The following RBFOX1 variants were observed in gnomAD, a reference collection of about 807,000 sequenced individuals.
RBFOX1 encodes RNA binding fox-1 homolog 1, also known as RNA binding protein fox-1 homolog 1.
A neutral mutation model predicts 57.7 loss-of-function variants in RBFOX1; 8 were observed. That is an observed-to-expected ratio of 0.14 (90% CI 0.08 to 0.25). The LOEUF is 0.25. RBFOX1 is among the 10% of genes least tolerant of loss of function. The pLI is 1.00. For missense variants in RBFOX1, 611 were observed against 548.5 expected (o/e 1.11, Z -1.14); for synonymous variants, 326 against 222.4 (o/e 1.47, Z -4.15).
intron 3 of RBFOX1, among the ~76,000 whole-genome samples, chr16:6,817,984 C>T (rs561404440): frequency 2.0e-5 from 3 of 152,248 alleles, no homozygotes; most frequent in Admixed American, 2.0e-4. Flanking sequence ...CGCAGGCCTG[C>T]CATCCTCAAG....
chr16:5,257,794 T>C (rs1368736083), intron 1 of RBFOX1, among the ~76,000 whole-genome samples: 2 of 152,140 alleles, frequency 1.3e-5, no homozygotes, highest in Non-Finnish European at 2.9e-5. Context: ...CTCGACTTCC[T>C]CTACTCTGCA....
At chr16:7,236,230 C>T (rs1274652588) in intron 4 of RBFOX1, among the ~76,000 whole-genome samples, 2 of 152,086 alleles carry the variant, frequency 1.3e-5, no homozygotes, top group East Asian at 1.9e-4. Context: ...ATATTTAGAT[C>T]TGTAAAGGGA....
intron 4 of RBFOX1, among the ~76,000 whole-genome samples, chr16:7,318,728 T>A (rs2096490264): frequency 1.3e-5 from 2 of 152,220 alleles, no homozygotes; most frequent in African/African-American, 4.8e-5. Context: ...TTCTTGATTT[T>A]GCTTTTTATA....
chr16:5,772,438 A>G (rs576795617), intron 3 of RBFOX1, among the ~76,000 whole-genome samples: 3 of 152,290 alleles, frequency 2.0e-5, no homozygotes, highest in South Asian at 2.1e-4. Context: ...TCCTGCTTAG[A>G]TCCTCAGGTA....
intron 2 of RBFOX1, among the ~76,000 whole-genome samples, chr16:6,571,760 G>C (rs1444892350): frequency 6.6e-6 from 1 of 152,134 alleles, no homozygotes; most frequent in East Asian, 1.9e-4. Flanking sequence ...CAGAGTTCTG[G>C]GCCTGCTGCA....
chr16:6,681,103 G>C (rs2058583764), intron 3 of RBFOX1, among the ~76,000 whole-genome samples: 1 of 152,106 alleles, frequency 6.6e-6, no homozygotes, highest in Non-Finnish European at 1.5e-5. Context: ...TTGAGGTCAG[G>C]AGTTCGAGAC....
intron 4 of RBFOX1, among the ~76,000 whole-genome samples, chr16:7,242,703 A>T (rs991532398): frequency 6.6e-5 from 10 of 152,210 alleles, no homozygotes; most frequent in African/African-American, 2.4e-4. Context: ...TGAAGCAGCC[A>T]GTTGGACCAG....
At chr16:7,602,479 C>A (rs2095080779) in intron 9 of RBFOX1, among the ~76,000 whole-genome samples, 1 of 152,158 alleles carries the variant, frequency 6.6e-6, no homozygotes, top group African/African-American at 2.4e-5. Flanking sequence ...TGATCAAAAT[C>A]TCTGAATTTG....
rs188565690 is a variant in RBFOX1 at position 6,721,215 on chromosome 16, G to T, written c.-16+66565G>T. On this transcript the variant is annotated intron_variant, in intron 3 of 15. Coordinates refer to ENST00000550418, the MANE Select transcript of RBFOX1 (RefSeq NM_018723.4). Reference sequence around the variant, plus strand: ...CCCAGTACTTTGGAAGGCCAAGGCAGGTGGATCACCTGAGGTCAGGATTTT... The same window carrying T: ...CCCAGTACTTTGGAAGGCCAAGGCATGTGGATCACCTGAGGTCAGGATTTT... 3.3e-5 allele frequency among the ~76,000 whole-genome samples: 5 copies of T among 152,298 alleles called. No individual in the cohort carries two copies. In the East Asian group the frequency reaches 9.7e-4, roughly 29 times the overall value.
intron 1 of RBFOX1, among the ~76,000 whole-genome samples, chr16:5,379,233 T>G (rs1174142211): frequency 6.6e-6 from 1 of 151,570 alleles, no homozygotes; most frequent in Non-Finnish European, 1.5e-5. Context: ...ATCATAAAAG[T>G]TCAGGTGAAT....
intron 3 of RBFOX1, among the ~76,000 whole-genome samples, chr16:6,780,423 TATATATTTATAG>T (rs1328598648): frequency 2.6e-5 from 3 of 117,020 alleles, no homozygotes; most frequent in African/African-American, 1.0e-4. Flanking sequence ...TATATATTTA[TATATATTTATAG>T]ATATATTTAT....
intron 3 of RBFOX1, among the ~76,000 whole-genome samples, chr16:5,673,663 A>G (rs1016678929): frequency 6.6e-6 from 1 of 152,152 alleles, no homozygotes; most frequent in Admixed American, 6.5e-5. Flanking sequence ...GTTCTTTTCC[A>G]TCTTTGACTT....
intron 3 of RBFOX1, among the ~76,000 whole-genome samples, chr16:5,622,608 C>T (rs552721273): frequency 4.3e-4 from 65 of 152,326 alleles, no homozygotes; most frequent in African/African-American, 1.3e-3. Flanking sequence ...AACTTCAGCC[C>T]ATAGGCCAAA....
chr16:6,985,653 C>G (rs1030974327), intron 3 of RBFOX1, among the ~76,000 whole-genome samples: 1 of 151,964 alleles, frequency 6.6e-6, no homozygotes, highest in African/African-American at 2.4e-5. Context: ...CGTGGCAAAA[C>G]CCCATCTCTA....
intron 4 of RBFOX1, among the ~76,000 whole-genome samples, chr16:5,991,905 A>G (rs1052359841): frequency 3.3e-5 from 5 of 152,162 alleles, no homozygotes; most frequent in Non-Finnish European, 5.9e-5. Context: ...TTTAAAAGCA[A>G]CCATTCTTAC....
At chr16:5,829,429 G>C (rs2056188063) in intron 3 of RBFOX1, among the ~76,000 whole-genome samples, 1 of 152,196 alleles carries the variant, frequency 6.6e-6, no homozygotes, top group Non-Finnish European at 1.5e-5. Flanking sequence ...GAAATCATCT[G>C]GGGAAGAAAT....
intron 3 of RBFOX1, among the ~76,000 whole-genome samples, chr16:5,690,629 C>T (rs2050645828): frequency 1.3e-5 from 2 of 152,188 alleles, no homozygotes; most frequent in South Asian, 2.1e-4. Flanking sequence ...CTCGATTTTA[C>T]TTCCCTCTGA....
intron 2 of RBFOX1, among the ~76,000 whole-genome samples, chr16:6,493,837 T>C (rs961226723): frequency 3.3e-5 from 5 of 152,204 alleles, no homozygotes; most frequent in African/African-American, 1.2e-4. Context: ...CAACTGAATA[T>C]ACGAAAGCTA....
chr16:6,156,158 A>G (rs966921854), intron 1 of RBFOX1, among the ~76,000 whole-genome samples: 12 of 152,178 alleles, frequency 7.9e-5, no homozygotes, highest in Non-Finnish European at 4.4e-5. Flanking sequence ...ATTTTTAAGA[A>G]TCAGTGTCCC....
Sources: gnomAD v4.1 joint callset for allele counts (sites outside exome capture counted in the v4.1 genomes callset) on GRCh38, gnomAD v4.1.1 for gene constraint, MANE v1.5 for transcripts, NCBI Gene and HGNC (gene_info 2026-07-23, HGNC 2026-07-21) for gene names.